The following MED14 variants were observed in gnomAD, a reference collection of about 807,000 sequenced individuals.
MED14 encodes mediator of RNA polymerase II transcription subunit 14.
MED14 carries 8 observed loss-of-function variants against 109.0 expected under a neutral mutation model. That is an observed-to-expected ratio of 0.07 (90% CI 0.04 to 0.13). MED14 has a LOEUF of 0.13. MED14 is among the 10% of genes least tolerant of loss of function. MED14 has a pLI of 1.00. For missense variants in MED14, 711 were observed against 1,142.4 expected, an observed-to-expected ratio of 0.62 and a Z score of 5.44; for synonymous variants, 399 against 408.7, an observed-to-expected ratio of 0.98 and a Z score of 0.29.
Position 40,648,977 on chromosome X carries a change from C to G in MED14, c.*2829G>C, listed in dbSNP as rs1928758855. The G allele has an allele frequency of 8.9e-6, 1 of 112,254 alleles. No homozygotes were observed. Among genetic ancestry groups the G allele is most frequent in the Non-Finnish European group, 1.9e-5 (1 of 53,262 alleles). The allele number at this position is 112,254 out of a possible 1,213,427, so 9.3% of individuals were successfully genotyped here. On this transcript the variant is annotated 3_prime_UTR_variant, in exon 31 of 31. Transcript: ENST00000324817. ...ACATTAACATTTTCCCTCTATGTCC[C>G]TTGAATGTAAGTTCTCTTAAAATTT...
intron 14 of MED14, 27 bp from the exon 15 acceptor site, chrX:40,692,344 AG>A: frequency 2.9e-6 from 3 of 1,018,556 alleles, no homozygotes; most frequent in African/African-American, 3.0e-5. Context: ...GAACACAAAC[AG>A]GTAAAAAAAA....
At chrX:40,675,568 TG>T (rs1285227346) in intron 21 of MED14, among the ~76,000 whole-genome samples, 1 of 112,134 alleles carries the variant, frequency 8.9e-6, no homozygotes, top group East Asian at 2.8e-4. Flanking sequence ...AAAGTCATAT[TG>T]ACTAAGAAAT....
In MED14 at chrX:40,659,580, C is replaced by T. The variant is rs1428050956; in HGVS notation, c.3712G>A (p.Gly1238Arg). The stretch of plus-strand genomic sequence containing the variant: ...GCATCAGTCTTAAACATGATCACTC[C>T]GGGTTCATTAGAATTTATCAGCTGC... ...TLQLINSNEP[G>R]VIMFKTDALK... is the part of the protein sequence containing the mutation. Residue 1238 changes from glycine (G) to arginine (R), a missense_variant, in exon 27 of 31, where the codon GGA becomes AGA. Gly to Arg is a moderately radical substitution (Grantham distance 125, BLOSUM62 -2). Coordinates refer to ENST00000324817, the MANE Select transcript of MED14 (RefSeq NM_004229.4). 3 of 1,197,832 alleles carry T rather than the reference C, an allele frequency of 2.5e-6. No individual in the cohort carries two copies. The highest frequency in any genetic ancestry group is 3.4e-6 in the Non-Finnish European group (3 of 890,589).
intron 10 of MED14, 34 bp from the exon 11 acceptor site, chrX:40,703,603 T>C: frequency 2.9e-6 from 3 of 1,047,335 alleles, no homozygotes; most frequent in Non-Finnish European, 3.8e-6. Context: ...TATTTTTCTA[T>C]CTGAATATTT....
At chrX:40,719,942 T>C (rs930906577) in intron 3 of MED14, among the ~76,000 whole-genome samples, 2 of 112,259 alleles carry the variant, frequency 1.8e-5, no homozygotes, top group African/African-American at 6.5e-5. Context: ...ATAACACATC[T>C]GGCATGGCTA....
chrX:40,659,742 A>G (rs1229693073), intron 26 of MED14, 135 bp from the exon 27 acceptor site: 1 of 515,395 alleles, frequency 1.9e-6, no homozygotes, highest in Non-Finnish European at 3.0e-6. Context: ...ATTGAGCATC[A>G]GCTGCTGGCA....
chrX:40,668,383 C>CAAAAAAAAAAAAAAAAAAAAA (rs779386609), intron 23 of MED14, among the ~76,000 whole-genome samples: 1 of 43,331 alleles, frequency 2.3e-5, no homozygotes, highest in Non-Finnish European at 3.8e-5. Context: ...ACTCTGTCTC[C>CAAAAAAAAAAAAAAAAAAAAA]AAAAAAAAAA....
At position 40,688,500 on chromosome X, in the gene MED14, C is replaced by A. The variant is rs1330834048; in HGVS notation, c.2011G>T (p.Val671Leu). ...CTGAAGCCATCACCTTCCACTTGCA[C>A]TCCTTGATGTGGAATCTCCAGATTG... ...LSNLEIPHQG[V>L]QVEGDGFSHA... Residue 671 changes from valine to leucine, a missense_variant, in exon 16 of 31, where the codon GTG (valine) becomes TTG (leucine). Physicochemically the swap from Val to Leu is conservative, Grantham distance 32 (BLOSUM62 1). Coordinates refer to ENST00000324817, the MANE Select transcript of MED14 (RefSeq NM_004229.4). The A allele has an allele frequency of 5.0e-6, 6 of 1,202,905 alleles. No individual in the cohort carries two copies. Among genetic ancestry groups the A allele is most frequent in the Non-Finnish European group, 6.8e-6 (6 of 888,320 alleles).
At chrX:40,671,256 G>A (rs1166252492) in intron 23 of MED14, among the ~76,000 whole-genome samples, 1 of 111,503 alleles carries the variant, frequency 9.0e-6, no homozygotes, top group African/African-American at 3.3e-5. Flanking sequence ...TTGGCACAGA[G>A]TAAGTGCTCA....
At chrX:40,694,214 G>T (rs1472771092) in intron 13 of MED14, among the ~76,000 whole-genome samples, 3 of 111,212 alleles carry the variant, frequency 2.7e-5, no homozygotes, top group Non-Finnish European at 5.7e-5. Context: ...TTATTTTTGT[G>T]ATGAGGAAAC....
rs1302017483 is a variant in MED14, at chrX:40,735,249, A to G, written c.164T>C (p.Ile55Thr). 8.7e-7 allele frequency: 1 copy of G among 1,148,232 alleles called. No homozygotes were observed. Among genetic ancestry groups the G allele is most frequent in the South Asian group, 2.0e-5 (1 of 49,877 alleles). 94.6% of individuals were successfully genotyped at this position (1,148,232 alleles called of 1,213,427 possible). The stretch of plus-strand genomic sequence containing the variant: ...GTAGGCCCGGTGCAGCAGAAATTCA[A>G]TGAGGGTGCTCAGCCGGTAGCCCGG... ...ASPGYRLSTL[I>T]EFLLHRAYSE... The change falls in exon 1 of 31, where the codon ATT (isoleucine) becomes ACT (threonine). Residue 55 changes from isoleucine (I) to threonine (T), a missense_variant. Physicochemically the swap from Ile to Thr is moderately conservative, Grantham distance 89 (BLOSUM62 -1). This residue lies in a region of MED14 where 62 missense variants were observed against 55.2 expected (regional missense o/e 1.12). Coordinates refer to ENST00000324817, the MANE Select transcript of MED14 (RefSeq NM_004229.4).
At position 40,662,905 on chromosome X, in the gene MED14, A is replaced by C; in HGVS notation, c.3684+20T>G. On this transcript the variant is annotated intron_variant, in intron 26 of 30. Coordinates refer to ENST00000324817, the MANE Select transcript of MED14 (RefSeq NM_004229.4). ...TTACCCTTAACAATCACCACTTAGAAGGTCATTAGGTACCCATACCGTTTC... is the reference window on the plus strand; with the variant it reads ...TTACCCTTAACAATCACCACTTAGACGGTCATTAGGTACCCATACCGTTTC... 8.8e-7 allele frequency: 1 copy of C among 1,137,971 alleles called. No homozygotes were observed. Among genetic ancestry groups the C allele is most frequent in the South Asian group, 1.9e-5 (1 of 53,893 alleles). 93.8% of individuals were successfully genotyped at this position (1,137,971 alleles called of 1,213,427 possible).
rs1240676231 is a variant in MED14, at chrX:40,654,088, TA to T, written c.4291+275del. On this transcript the variant is annotated intron_variant, in intron 30 of 30. Transcript: ENST00000324817. ...TAGGTCTTTGTGGCAATGTGTGCTA[TA>T]AATACAAGCTTCTGGCATTAGCAAC... 2.7e-5 allele frequency: 8 copies of T among 301,246 alleles called. No individual in the cohort carries two copies. In the East Asian group the frequency reaches 2.7e-4, roughly 10 times the overall value. The allele number at this position is 301,246 out of a possible 1,213,427, so 24.8% of individuals were successfully genotyped here.
chrX:40,692,033 T>A, intron 15 of MED14, 150 bp downstream of exon 15: 1 of 428,296 alleles, frequency 2.3e-6, no homozygotes, highest in South Asian at 5.6e-5. Flanking sequence ...TACCATTAGA[T>A]GCTATGATTG....
rs765717050 is a variant in MED14, at chrX:40,654,594, T to C, written c.4099-38A>G. 9.6e-6 allele frequency: 11 copies of C among 1,140,223 alleles called. No individual in the cohort carries two copies. In the African/African-American group the frequency reaches 2.0e-4, roughly 20 times the overall value. 94.0% of individuals were successfully genotyped at this position (1,140,223 alleles called of 1,213,427 possible). ...AACACACACAAAGAGAATAAAAACA[T>C]CATAAAACATCTGTCTAAATGTATC... On this transcript the variant is annotated intron_variant, in intron 29 of 30. Transcript: ENST00000324817.
intron 9 of MED14, among the ~76,000 whole-genome samples, 161 bp downstream of exon 9, chrX:40,709,818 T>TA (rs1234974707): frequency 8.9e-6 from 1 of 111,789 alleles, no homozygotes; most frequent in Non-Finnish European, 1.9e-5. Flanking sequence ...TCAGATGTTT[T>TA]AAAAAAACAA....
At position 40,650,747 on chromosome X, in the gene MED14, G is replaced by A; in HGVS notation, c.*1059C>T. On this transcript the variant is annotated 3_prime_UTR_variant, in exon 31 of 31. Coordinates refer to ENST00000324817, the MANE Select transcript of MED14 (RefSeq NM_004229.4). ...TCCAAGCAAAACATTCTATCGTTTTGTTGACAATGAATTAAATTGAAATTG... is the reference window on the plus strand; with the variant it reads ...TCCAAGCAAAACATTCTATCGTTTTATTGACAATGAATTAAATTGAAATTG... The A allele has an allele frequency of 6.6e-6, 5 of 753,978 alleles. No homozygotes were observed. Among genetic ancestry groups the A allele is most frequent in the Non-Finnish European group, 7.8e-6 (5 of 638,912 alleles). The allele number at this position is 753,978 out of a possible 1,213,427, so 62.1% of individuals were successfully genotyped here.
intron 23 of MED14, 91 bp downstream of exon 23, chrX:40,671,770 G>T: frequency 1.9e-6 from 1 of 513,598 alleles, no homozygotes; most frequent in Non-Finnish European, 3.2e-6. Flanking sequence ...TGAAGCCTGA[G>T]ACTAGATGCA....
intron 15 of MED14, among the ~76,000 whole-genome samples, chrX:40,691,607 CTTTTTTTTT>C (rs36144185): frequency 1.7e-5 from 1 of 59,457 alleles, no homozygotes; most frequent in South Asian, 1.3e-3. Flanking sequence ...TTCTTTTAAT[CTTTTTTTTT>C]TTTTTTTTTT....
Sources: gnomAD v4.1 joint callset for allele counts (sites outside exome capture counted in the v4.1 genomes callset) on GRCh38, gnomAD v4.1.1 for gene constraint, gnomAD v4.1.1 regional missense constraint, MANE v1.5 for transcripts, NCBI Gene and HGNC (gene_info 2026-07-23, HGNC 2026-07-21) for gene names.